Variants in CLPTM1L observed in about 807,000 individuals in gnomAD.
The protein encoded by CLPTM1L is CLPTM1 like.
Under a neutral mutation model 70.9 loss-of-function variants are expected in CLPTM1L, and 38 were observed. The ratio of observed to expected loss-of-function variants is 0.54; its 90% CI spans 0.41 to 0.70. The LOEUF is 0.70. Ranked by LOEUF, CLPTM1L falls within the 30% of genes least tolerant of loss-of-function variation. The probability of loss-of-function intolerance (pLI) is 0.00; values close to 1 mark genes in which losing one functional copy is unlikely to be tolerated. For missense variants in CLPTM1L, 652 were observed against 705.9 expected (o/e 0.92, Z 0.87); for synonymous variants, 339 against 299.9 (o/e 1.13, Z -1.35).
At chr5:1,330,081 C>T (rs998433772) in intron 9 of CLPTM1L, among the ~76,000 whole-genome samples, 199 bp downstream of exon 9, 7 of 152,138 alleles carry the variant, frequency 4.6e-5, no homozygotes, top group Non-Finnish European at 1.0e-4. Flanking sequence ...ACCACCCGAA[C>T]ACGCATTTCC....
intron 9 of CLPTM1L, 47 bp from the exon 10 acceptor site, chr5:1,325,863 G>A (rs768080067): frequency 2.6e-6 from 4 of 1,556,932 alleles, no homozygotes; most frequent in South Asian, 1.1e-5. Context: ...TCGAAGGCCA[G>A]GAGCCACGAA....
rs1205729357 is a variant in CLPTM1L at position 1,338,075 on chromosome 5, G to C, written c.600-93C>G. 2.9e-6 allele frequency: 3 copies of C among 1,041,776 alleles called. No individual in the cohort carries two copies. In the African/African-American group the frequency reaches 4.7e-5, roughly 16 times the overall value. 64.5% of individuals were successfully genotyped at this position (1,041,776 alleles called of 1,614,324 possible). Reference sequence around the variant, plus strand: ...CAGACACTGGGTTTACCCCAGAGAAGTGCCCCCAGCACCACCCTCAACTGC... The same window carrying C: ...CAGACACTGGGTTTACCCCAGAGAACTGCCCCCAGCACCACCCTCAACTGC... On this transcript the variant is annotated intron_variant, in intron 4 of 16. Transcript: ENST00000320895.
chr5:1,326,507 C>CCATCCAGCTCCTCCTCTACCGACACATTT (rs1561233646), intron 9 of CLPTM1L: 1 of 238,190 alleles, frequency 4.2e-6, no homozygotes, highest in Non-Finnish European at 7.9e-6. Flanking sequence ...CAGGGACATT[C>CCATCCAGCTCCTCCTCTACCGACACATTT]CATCCAGCTC....
chr5:1,326,010 CG>C (rs1354328653), intron 9 of CLPTM1L, 194 bp from the exon 10 acceptor site: 2 of 573,416 alleles, frequency 3.5e-6, no homozygotes, highest in African/African-American at 1.9e-5. Context: ...ACACGGCAGG[CG>C]TACCTGGTCA....
intron 9 of CLPTM1L, among the ~76,000 whole-genome samples, chr5:1,327,136 ACACATTTCATCCAGCTCCTCCTCTACAGG>A (rs1561234770): frequency 4.8e-4 from 63 of 132,300 alleles, no homozygotes; most frequent in African/African-American, 1.6e-3. Flanking sequence ...TCCTCTACAG[ACACATTTCATCCAGCTCCTCCTCTACAGG>A]CACATTCCAT....
intron 5 of CLPTM1L, among the ~76,000 whole-genome samples, 198 bp from the exon 6 acceptor site, chr5:1,335,372 A>G (rs1753507047): frequency 6.6e-6 from 1 of 152,184 alleles, no homozygotes. Context: ...GTTCCAGCAC[A>G]GGGAGGTTCC....
Position 1,335,078 on chromosome 5 carries a change from C to T in CLPTM1L, c.775G>A (p.Val259Met), listed in dbSNP as rs1183645853. Residue 259 changes from valine to methionine, a missense_variant, in exon 6 of 17, where the codon GTG becomes ATG. Physicochemically the swap from Val to Met is conservative, Grantham distance 21. Transcript: ENST00000320895. ...LRFWIHMQDAVYSLQQFGFSE... is the reference protein window; with the variant it reads ...LRFWIHMQDAMYSLQQFGFSE... ...ATACCGAACTGCTGCAGGGAGTACA[C>T]GGCGTCCTGCATGTGGATCCAGAAG... 6 of 1,613,102 alleles carry T rather than the reference C, an allele frequency of 3.7e-6. No homozygotes were observed. In the African/African-American group the frequency reaches 4.0e-5, roughly 11 times the overall value.
intron 8 of CLPTM1L, chr5:1,330,680 C>T (rs942950252): frequency 2.4e-5 from 10 of 418,114 alleles, no homozygotes; most frequent in African/African-American, 1.6e-4. Context: ...ACGGGGCCAG[C>T]ACAGCTTTGC....
Position 1,335,081 on chromosome 5 carries a change from C to T in CLPTM1L, c.772G>A (p.Ala258Thr), listed in dbSNP as rs772880482. 132 of 1,613,262 alleles carry T rather than the reference C, an allele frequency of 8.2e-5. No homozygotes were observed. Among genetic ancestry groups the T allele is most frequent in the Non-Finnish European group, 1.1e-4 (126 of 1,179,964 alleles). ...CCGAACTGCTGCAGGGAGTACACGGCGTCCTGCATGTGGATCCAGAAGCGC... is the reference window on the plus strand; with the variant it reads ...CCGAACTGCTGCAGGGAGTACACGGTGTCCTGCATGTGGATCCAGAAGCGC... ...RLRFWIHMQD[A>T]VYSLQQFGFS... Residue 258 changes from alanine to threonine, a missense_variant, in exon 6 of 17, where the codon GCC becomes ACC. Physicochemically the swap from Ala to Thr is moderately conservative, Grantham distance 58. Transcript: ENST00000320895.
rs1241577491 is a variant in CLPTM1L at position 1,330,333 on chromosome 5, C to T, written c.1027G>A (p.Glu343Lys). The stretch of plus-strand genomic sequence containing the variant: ...ACCAGCACCAGCAGGCTCGTCTGCT[C>T]GTCCAGCAGGAACAGAAAGATGACC... ...TVVIFLFLLD[E>K]QTSLLVLVPA... The change falls in exon 9 of 17, where the codon GAG (glutamate) becomes AAG (lysine). Residue 343 changes from glutamate (E) to lysine (K), a missense_variant. By Grantham distance (56) the Glu-to-Lys change is moderately conservative. This residue lies in a region of CLPTM1L where 240 missense variants were observed against 295.0 expected (regional missense o/e 0.81). Transcript: ENST00000320895. 9 of 1,612,714 alleles carry T rather than the reference C, an allele frequency of 5.6e-6. No homozygotes were observed. The highest frequency in any genetic ancestry group is 3.3e-5 in the Admixed American group (2 of 60,010).
Position 1,342,044 on chromosome 5 carries a change from G to A in CLPTM1L, c.264-184C>T, listed in dbSNP as rs565991670. Among the ~76,000 whole-genome samples, 194 of 150,856 alleles carry A rather than the reference G, an allele frequency of 1.3e-3. No homozygotes were observed. Among genetic ancestry groups the A allele is most frequent in the African/African-American group, 4.3e-3 (177 of 40,804 alleles). ...TGTGTGTGTGTGTGTGTGTGTGCAC[G>A]CGCACGCGTGCGCGTCCTGAGAACT... On this transcript the variant is annotated intron_variant, in intron 2 of 16. Transcript: ENST00000320895. The surrounding 1 kb of genome is among the most constrained non-coding windows in gnomAD (Gnocchi z 4.3).
chr5:1,328,914 TCATCCAGCTCCTCCTCTACAGGGACATTC>T (rs1561237587), intron 9 of CLPTM1L, among the ~76,000 whole-genome samples: 10 of 144,470 alleles, frequency 6.9e-5, no homozygotes, highest in African/African-American at 1.6e-4. Flanking sequence ...CAGACACATT[TCATCCAGCTCCTCCTCTACAGGGACATTC>T]CATCCAGCTC....
chr5:1,324,888 G>A, intron 10 of CLPTM1L, 75 bp from the exon 11 acceptor site: 4 of 1,381,704 alleles, frequency 2.9e-6, no homozygotes, highest in Non-Finnish European at 4.1e-6. Context: ...TGACTAAGGG[G>A]CGTCACATAT....
At chr5:1,334,450 C>T in intron 6 of CLPTM1L, 67 bp from the exon 7 acceptor site, 2 of 1,175,708 alleles carry the variant, frequency 1.7e-6, no homozygotes, top group African/African-American at 1.5e-5. Context: ...ATTACAAATA[C>T]AGTTTTCAAT....
chr5:1,344,463 G>C lies in CLPTM1L; in HGVS notation c.163-12C>G. 1 of 1,609,576 alleles carries C rather than the reference G, an allele frequency of 6.2e-7. No individual in the cohort carries two copies. The highest frequency in any genetic ancestry group is 8.5e-7 in the Non-Finnish European group (1 of 1,176,378). On this transcript the variant is annotated splice_polypyrimidine_tract_variant and intron_variant, in intron 1 of 16. Transcript: ENST00000320895. ...GTGTACACGCTCAGCTGGAAAGGAG[G>C]GGGCGTCGAGAGTCAGCTCGGCCAG... is the stretch of plus-strand genomic sequence containing the variant.
At chr5:1,320,881 G>A in intron 15 of CLPTM1L, 150 bp from the exon 16 acceptor site, 1 of 562,826 alleles carries the variant, frequency 1.8e-6, no homozygotes, top group Non-Finnish European at 3.2e-6. Flanking sequence ...CAGAAAGCCG[G>A]CAAGTGGAGA....
chr5:1,319,093 C>T (rs374133041), intron 16 of CLPTM1L, among the ~76,000 whole-genome samples: 15 of 152,308 alleles, frequency 9.8e-5, no homozygotes, highest in East Asian at 9.7e-4. Context: ...AGGCACGCCC[C>T]GGGCCACCTG....
In CLPTM1L at chr5:1,338,880, A is replaced by G. The variant is rs1753756037; in HGVS notation, c.579T>C (p.Asp193=). Residue 193 remains aspartate (D), a synonymous_variant, in exon 4 of 17, where the codon GAT becomes GAC. Transcript: ENST00000320895. ...CTTACATCTTCATGTACCGATGCACATCGGCAGGCAGGGAGGACCCGTCAA... is the reference window on the plus strand; with the variant it reads ...CTTACATCTTCATGTACCGATGCACGTCGGCAGGCAGGGAGGACCCGTCAA... ...FVFDGSSLPA[D]VHRYMKMIQL... is the part of the protein sequence containing the mutation. The G allele has an allele frequency of 2.5e-6, 4 of 1,613,298 alleles. No homozygotes were observed. Among genetic ancestry groups the G allele is most frequent in the South Asian group, 1.1e-5 (1 of 91,090 alleles).
intron 5 of CLPTM1L, among the ~76,000 whole-genome samples, chr5:1,335,769 C>G (rs575187711): frequency 5.3e-5 from 8 of 152,334 alleles, no homozygotes; most frequent in Admixed American, 5.2e-4. Context: ...CTCACGCACA[C>G]AGGCTGTGGG....
Sources: allele counts gnomAD v4.1 joint callset (sites outside exome capture counted in the v4.1 genomes callset), GRCh38; gene constraint gnomAD v4.1.1; regional missense constraint gnomAD v4.1.1; non-coding constraint Gnocchi (gnomAD v3.1); transcripts MANE v1.5; gene names NCBI Gene and HGNC (gene_info 2026-07-23, HGNC 2026-07-21).